Variants in OR3A3 observed in about 807,000 individuals in gnomAD.
The protein encoded by OR3A3 is olfactory receptor family 3 subfamily A member 3, also known as olfactory receptor 3A3.
For missense variants in OR3A3, 275 were observed against 391.4 expected (o/e 0.70, Z 2.51); for synonymous variants, 103 against 163.9 (o/e 0.63, Z 2.84).
intron 2 of OR3A3, among the ~76,000 whole-genome samples, chr17:3,419,410 T>C (rs1394605829): frequency 1.3e-5 from 2 of 152,354 alleles, no homozygotes; most frequent in African/African-American, 4.8e-5. Context: ...TTCTATGACA[T>C]TGACTTTTTA....
chr17:3,417,612 T>G (rs1022930550), intron 2 of OR3A3, among the ~76,000 whole-genome samples: 1 of 152,210 alleles, frequency 6.6e-6, no homozygotes, highest in African/African-American at 2.4e-5. Context: ...CTTGAGTTTT[T>G]GAGTGTCCAA....
At chr17:3,414,063 AGAGACTACCTTGACTCTTTTTTTT>A (rs1295317138) in intron 2 of OR3A3, among the ~76,000 whole-genome samples, 1 of 152,066 alleles carries the variant, frequency 6.6e-6, no homozygotes, top group Non-Finnish European at 1.5e-5. Context: ...GTCAGTCTTT[AGAGACTACCTTGACTCTTTTTTTT>A]GAGACAGAGT....
exon 3 of OR3A3, chr17:3,421,365 C>T: frequency 6.2e-7 from 1 of 1,614,176 alleles, no homozygotes. Context: ...CAGGTGTCTT[C>T]AGCTACATGA....
intron 2 of OR3A3, among the ~76,000 whole-genome samples, chr17:3,412,569 C>A (rs1223314204): frequency 6.9e-6 from 1 of 145,822 alleles, no homozygotes; most frequent in Non-Finnish European, 1.5e-5. Context: ...TGCAGGAGGG[C>A]TCCCCAGTGG....
At chr17:3,414,010 T>C (rs2072376704) in intron 2 of OR3A3, among the ~76,000 whole-genome samples, 1 of 152,100 alleles carries the variant, frequency 6.6e-6, no homozygotes, top group East Asian at 1.9e-4. Context: ...CCTCTTGCTG[T>C]AGAGACTCCA....
At chr17:3,415,486 G>T (rs1266895649) in intron 2 of OR3A3, among the ~76,000 whole-genome samples, 3 of 150,640 alleles carry the variant, frequency 2.0e-5, no homozygotes, top group African/African-American at 7.3e-5. Context: ...GCTTGAACCT[G>T]GGAGGTGGAG....
intron 2 of OR3A3, among the ~76,000 whole-genome samples, chr17:3,412,475 G>A (rs1176054686): frequency 2.7e-5 from 4 of 147,038 alleles, no homozygotes; most frequent in South Asian, 2.2e-4. Context: ...CTTGAGCCTC[G>A]TCATGTTGGG....
intron 2 of OR3A3, among the ~76,000 whole-genome samples, chr17:3,414,300 T>C (rs895821506): frequency 2.0e-5 from 3 of 152,196 alleles, no homozygotes; most frequent in Admixed American, 1.3e-4. Flanking sequence ...CTCGATCTCC[T>C]GACCTCATGA....
At chr17:3,420,853 T>C in exon 3 of OR3A3, 7 of 1,484,740 alleles carry the variant, frequency 4.7e-6, no homozygotes, top group Non-Finnish European at 6.5e-6. Context: ...TCGTCTCTTG[T>C]CCCACAAGTC....
chr17:3,418,941 A>G (rs2072408694), intron 2 of OR3A3, among the ~76,000 whole-genome samples: 1 of 152,170 alleles, frequency 6.6e-6, no homozygotes, highest in South Asian at 2.1e-4. Context: ...TCATTGGTCA[A>G]TCTACCATGC....
intron 2 of OR3A3, among the ~76,000 whole-genome samples, chr17:3,412,835 A>G (rs2640072): frequency 2.2e-4 from 34 of 152,090 alleles, no homozygotes; most frequent in East Asian, 3.9e-4. Context: ...TGTTAACACA[A>G]AGGAGTCCCT....
exon 3 of OR3A3, chr17:3,423,803 G>A (rs980138550): frequency 2.0e-5 from 3 of 151,934 alleles, no homozygotes; most frequent in African/African-American, 7.3e-5. Flanking sequence ...CATGATGGCG[G>A]GCACCTGTAA....
chr17:3,411,825 G>C (rs923624174), intron 1 of OR3A3, among the ~76,000 whole-genome samples, 153 bp from the exon 2 acceptor site: 1 of 152,130 alleles, frequency 6.6e-6, no homozygotes, highest in African/African-American at 2.4e-5. Context: ...ATCATCTGCC[G>C]TAACAACCTG....
At chr17:3,420,018 T>C (rs112839855) in intron 2 of OR3A3, among the ~76,000 whole-genome samples, 35 of 152,228 alleles carry the variant, frequency 2.3e-4, no homozygotes, top group East Asian at 3.9e-4. Flanking sequence ...CCGCCTGCCT[T>C]GGCCTCCCAA....
At chr17:3,413,862 A>G (rs1197527606) in intron 2 of OR3A3, among the ~76,000 whole-genome samples, 2 of 151,662 alleles carry the variant, frequency 1.3e-5, no homozygotes, top group Non-Finnish European at 2.9e-5. Context: ...AAAAAACTTT[A>G]AGGACCTCTT....
rs528330980 is a variant in OR3A3, at chr17:3,421,312, A to G, written c.727A>G (p.Thr243Ala). The G allele has an allele frequency of 1.1e-5, 18 of 1,614,178 alleles. No individual in the cohort carries two copies. In the East Asian group the frequency reaches 3.3e-4, roughly 30 times the overall value. ...TGAGGGCAGAAAGAAGGCCTTCTCCACATGTGGCTCCCACCTCACTGTGGT... is the reference window on the plus strand; with the variant it reads ...TGAGGGCAGAAAGAAGGCCTTCTCCGCATGTGGCTCCCACCTCACTGTGGT... The change falls in exon 3 of 3, where the codon ACA becomes GCA. Residue 243 changes from threonine (T) to alanine (A), a missense_variant. Physicochemically the swap from Thr to Ala is moderately conservative, Grantham distance 58. Transcript: ENST00000641141.
exon 3 of OR3A3, chr17:3,421,870 A>G (rs1597376908): frequency 1.4e-5 from 2 of 143,160 alleles, no homozygotes; most frequent in African/African-American, 5.2e-5. Context: ...ACTCTATAGA[A>G]AAAAGCTGGT....
chr17:3,414,362 T>C (rs1032628584), intron 2 of OR3A3, among the ~76,000 whole-genome samples: 1 of 152,114 alleles, frequency 6.6e-6, no homozygotes, highest in Admixed American at 6.6e-5. Context: ...TGAGCCACCA[T>C]GGCCGGCCAG....
intron 2 of OR3A3, among the ~76,000 whole-genome samples, chr17:3,414,093 A>G (rs1448519113): frequency 2.0e-5 from 3 of 151,996 alleles, no homozygotes; most frequent in Non-Finnish European, 4.4e-5. Flanking sequence ...TTTTTGAGAC[A>G]GAGTCTCAGA....
Sources: allele counts gnomAD v4.1 joint callset (sites outside exome capture counted in the v4.1 genomes callset), GRCh38; gene constraint gnomAD v4.1.1; transcripts MANE v1.5; gene names NCBI Gene and HGNC (gene_info 2026-07-23, HGNC 2026-07-21).